SUMO3: variants seen among roughly 807,000 people sequenced by gnomAD.
The protein encoded by SUMO3 is small ubiquitin-related modifier 3.
Under a neutral mutation model 11.1 loss-of-function variants are expected in SUMO3, and 2 were observed. That is an observed-to-expected ratio of 0.18 (90% CI 0.07 to 0.57). The LOEUF (loss-of-function observed/expected upper bound fraction) is 0.57, where lower values mean the gene tolerates loss of function less well. Ranked by LOEUF, SUMO3 falls within the 20% of genes least tolerant of loss-of-function variation. The pLI is 0.92. For missense variants in SUMO3, 70 were observed against 132.8 expected (o/e 0.53, Z 2.32); for synonymous variants, 56 against 53.5 (o/e 1.05, Z -0.20).
At chr21:44,817,538 G>C (rs2083253493) in intron 1 of SUMO3, among the ~76,000 whole-genome samples, 1 of 151,978 alleles carries the variant, frequency 6.6e-6, no homozygotes, top group East Asian at 2.0e-4. Context: ...CCGGGGGAGA[G>C]GGCGACCCCA....
rs375748622 is a variant in SUMO3 at position 44,806,917 on chromosome 21, C to G, written c.*34G>C. 1.7e-5 allele frequency: 27 copies of G among 1,613,324 alleles called. No individual in the cohort carries two copies. The South Asian group carries it at 2.7e-4, about 16-fold the overall frequency. Reference sequence around the variant, plus strand: ...ACGTGCTCACCATTCAACAGCAATGCGAGGATGGACGGCCCGGGCTGGGGA... The same window carrying G: ...ACGTGCTCACCATTCAACAGCAATGGGAGGATGGACGGCCCGGGCTGGGGA... On this transcript the variant is annotated 3_prime_UTR_variant, in exon 4 of 4. Transcript: ENST00000332859.
At chr21:44,812,235 T>C (rs1023447997) in intron 2 of SUMO3, among the ~76,000 whole-genome samples, 3 of 151,590 alleles carry the variant, frequency 2.0e-5, no homozygotes, top group Non-Finnish European at 4.4e-5. Context: ...TTTTTTAATG[T>C]TTCGTAGAGA....
intron 2 of SUMO3, chr21:44,813,764 C>A (rs2083227079): frequency 6.9e-7 from 1 of 1,459,128 alleles, no homozygotes; most frequent in African/African-American, 1.4e-5. Context: ...CTCCGAGCCT[C>A]TAGGTCCCTC....
intron 2 of SUMO3, among the ~76,000 whole-genome samples, chr21:44,812,777 C>T (rs886236633): frequency 1.3e-5 from 2 of 152,232 alleles, no homozygotes; most frequent in Non-Finnish European, 2.9e-5. Context: ...CACATGTACA[C>T]GGCCCCACAC....
Position 44,807,735 on chromosome 21 carries a change from C to G in SUMO3, c.223-695G>C, listed in dbSNP as rs2083186069. Among the ~76,000 whole-genome samples the G allele has an allele frequency of 6.6e-6, 1 of 152,174 alleles. No individual in the cohort carries two copies. Among genetic ancestry groups the G allele is most frequent in the Admixed American group, 6.5e-5 (1 of 15,280 alleles). ...GGAGTCCCATCAGGGCTGTCGGCCACCCTCACCCTGCCACCGACACTATGG... is the reference window on the plus strand; with the variant it reads ...GGAGTCCCATCAGGGCTGTCGGCCAGCCTCACCCTGCCACCGACACTATGG... On this transcript the variant is annotated intron_variant, in intron 3 of 3. Coordinates refer to ENST00000332859, the MANE Select transcript of SUMO3 (RefSeq NM_006936.3). The surrounding 1 kb of genome is among the most constrained non-coding windows in gnomAD (Gnocchi z 4.3).
At chr21:44,809,244 G>A (rs894042737) in intron 2 of SUMO3, 126 bp from the exon 3 acceptor site, 5 of 884,638 alleles carry the variant, frequency 5.7e-6, no homozygotes, top group South Asian at 1.6e-5. Flanking sequence ...TTCCAGATAC[G>A]GCTTAATTCA....
In SUMO3 at chr21:44,810,076, C is replaced by T. The variant is rs1223142880; in HGVS notation, c.151-958G>A. On this transcript the variant is annotated intron_variant, in intron 2 of 3. Transcript: ENST00000332859. This position sits in a 1 kb window ranked among gnomAD's most constrained non-coding sequence, Gnocchi z 4.1. ...GAGGAGGGCAGCAGGAAGGAGAGCA[C>T]GCAGCCTTTCTGCGTCCTGAGGGAA... Among the ~76,000 whole-genome samples the T allele has an allele frequency of 6.6e-6, 1 of 152,180 alleles. No homozygotes were observed. Among genetic ancestry groups the T allele is most frequent in the African/African-American group, 2.4e-5 (1 of 41,434 alleles).
chr21:44,817,564 G>C (rs1248054754), intron 1 of SUMO3, among the ~76,000 whole-genome samples: 2 of 151,984 alleles, frequency 1.3e-5, no homozygotes, highest in African/African-American at 4.8e-5. Context: ...CAATGACTCA[G>C]GAGAGGAGCA....
chr21:44,806,700 C>A lies in SUMO3; in HGVS notation c.*251G>T, dbSNP rs970152990. 1.0e-6 allele frequency: 1 copy of A among 964,886 alleles called. No homozygotes were observed. Among genetic ancestry groups the A allele is most frequent in the East Asian group, 3.3e-5 (1 of 30,384 alleles). 59.8% of individuals were successfully genotyped at this position (964,886 alleles called of 1,614,324 possible). On this transcript the variant is annotated 3_prime_UTR_variant, in exon 4 of 4. Transcript: ENST00000332859. ...GGGGGGGAAAACACAAATGAGCACA[C>A]AAAAGTACCCACAATATCTTGCAAC...
chr21:44,808,330 G>T, intron 3 of SUMO3: 1 of 388,992 alleles, frequency 2.6e-6, no homozygotes, highest in Non-Finnish European at 4.6e-6. Context: ...GGCTAACATG[G>T]TGAAACCCCG....
In SUMO3 at chr21:44,810,020, G is replaced by A. The variant is rs928161217; in HGVS notation, c.151-902C>T. Reference sequence around the variant, plus strand: ...ACAGATAAGAAGGCTGCATGAGGCCGGGGAGCAGTTACCACCATGACTTTG... The same window carrying A: ...ACAGATAAGAAGGCTGCATGAGGCCAGGGAGCAGTTACCACCATGACTTTG... On this transcript the variant is annotated intron_variant, in intron 2 of 3. Coordinates refer to ENST00000332859, the MANE Select transcript of SUMO3 (RefSeq NM_006936.3). This position sits in a 1 kb window ranked among gnomAD's most constrained non-coding sequence, Gnocchi z 4.1. Among the ~76,000 whole-genome samples the A allele has an allele frequency of 1.3e-5, 2 of 152,184 alleles. No homozygotes were observed. Among genetic ancestry groups the A allele is most frequent in the Non-Finnish European group, 1.5e-5 (1 of 68,046 alleles).
rs2083187756 is a variant in SUMO3, at chr21:44,807,941, T to C, written c.223-901A>G. 6.6e-6 allele frequency among the ~76,000 whole-genome samples: 1 copy of C among 152,244 alleles called. No homozygotes were observed. Among genetic ancestry groups the C allele is most frequent in the Non-Finnish European group, 1.5e-5 (1 of 68,048 alleles). On this transcript the variant is annotated intron_variant, in intron 3 of 3. Coordinates refer to ENST00000332859, the MANE Select transcript of SUMO3 (RefSeq NM_006936.3). The surrounding 1 kb of genome is among the most constrained non-coding windows in gnomAD (Gnocchi z 4.3). Reference sequence around the variant, plus strand: ...TGCCACTGCCTCAGCGGTGTGTAGGTTTCCTCAAGTAGGTACAAATGGATA... The same window carrying C: ...TGCCACTGCCTCAGCGGTGTGTAGGCTTCCTCAAGTAGGTACAAATGGATA...
chr21:44,817,265 G>A (rs1483006965), intron 1 of SUMO3, among the ~76,000 whole-genome samples: 1 of 149,208 alleles, frequency 6.7e-6, no homozygotes, highest in Non-Finnish European at 1.5e-5. Flanking sequence ...CACGGGGCGC[G>A]ATGGGTGGGA....
intron 2 of SUMO3, 130 bp downstream of exon 2, chr21:44,813,846 T>C (rs769451719): frequency 1.6e-5 from 25 of 1,561,814 alleles, no homozygotes; most frequent in Non-Finnish European, 2.1e-5. Context: ...CGCCTGCCCA[T>C]CCACGAAGAG....
In SUMO3 at chr21:44,807,855, C is replaced by T. The variant is rs2083187150; in HGVS notation, c.223-815G>A. Among the ~76,000 whole-genome samples, 1 of 152,206 alleles carries T rather than the reference C, an allele frequency of 6.6e-6. No homozygotes were observed. The highest frequency in any genetic ancestry group is 6.5e-5 in the Admixed American group (1 of 15,288). On this transcript the variant is annotated intron_variant, in intron 3 of 3. Transcript: ENST00000332859. The surrounding 1 kb of genome is among the most constrained non-coding windows in gnomAD (Gnocchi z 4.3). ...ACCCCCAGTCAAGCCCCAGAGACTC[C>T]ACGAGGCCCTCCCTGCTCAGCTGCT...
At chr21:44,813,258 C>T (rs1443792236) in intron 2 of SUMO3, among the ~76,000 whole-genome samples, 2 of 152,164 alleles carry the variant, frequency 1.3e-5, no homozygotes, top group African/African-American at 2.4e-5. Flanking sequence ...TGGGGAAGGG[C>T]GCCTGGCTGC....
chr21:44,817,963 G>T lies in SUMO3; in HGVS notation c.6C>A (p.Ser2=). 8.5e-7 allele frequency: 1 copy of T among 1,180,980 alleles called. No homozygotes were observed. The highest frequency in any genetic ancestry group is 3.6e-5 in the East Asian group (1 of 27,470). The allele number at this position is 1,180,980 out of a possible 1,614,324, so 73.2% of individuals were successfully genotyped here. Residue 2 remains serine, a synonymous_variant, in exon 1 of 4, where the codon TCC becomes TCA. Coordinates refer to ENST00000332859, the MANE Select transcript of SUMO3 (RefSeq NM_006936.3). ...CCGCGCTTACCTTGGGCTTCTCCTC[G>T]GACATGGCTGCGCGAGCGGCGCGGG... The part of the protein sequence containing the change: M[S]EEKPKEGVKT...
intron 1 of SUMO3, among the ~76,000 whole-genome samples, chr21:44,815,429 G>A (rs1456111436): frequency 6.6e-6 from 1 of 152,174 alleles, no homozygotes; most frequent in Non-Finnish European, 1.5e-5. Context: ...CCAGTCTTGG[G>A]CCAGACACCC....
rs570057260 is a variant in SUMO3 at position 44,810,825 on chromosome 21, T to C, written c.151-1707A>G. 2.0e-5 allele frequency among the ~76,000 whole-genome samples: 3 copies of C among 151,838 alleles called. No homozygotes were observed. The highest frequency in any genetic ancestry group is 4.4e-5 in the Non-Finnish European group (3 of 67,936). On this transcript the variant is annotated intron_variant, in intron 2 of 3. Coordinates refer to ENST00000332859, the MANE Select transcript of SUMO3 (RefSeq NM_006936.3). This position sits in a 1 kb window ranked among gnomAD's most constrained non-coding sequence, Gnocchi z 4.1. ...TGAGAGCAGTCAGGGAAAGGCTCAC[T>C]GTGCAGCAGCCTAGAGAGGAGGGGA...
Sources: allele counts gnomAD v4.1 joint callset (sites outside exome capture counted in the v4.1 genomes callset), GRCh38; gene constraint gnomAD v4.1.1; non-coding constraint Gnocchi (gnomAD v3.1); transcripts MANE v1.5; gene names NCBI Gene and HGNC (gene_info 2026-07-23, HGNC 2026-07-21).